Variants in CDH18 observed in about 807,000 individuals in gnomAD.
CDH18 encodes cadherin-18.
CDH18 carries 31 observed loss-of-function variants against 67.9 expected under a neutral mutation model. The observed-to-expected ratio is 0.46, with a 90% CI of 0.34 to 0.62. The LOEUF is 0.62. CDH18 is among the 20% of genes least tolerant of loss of function. The pLI, the probability that CDH18 is intolerant of heterozygous loss-of-function variation, is 0.01. For synonymous variants in CDH18, 362 were observed against 347.2 expected, an observed-to-expected ratio of 1.04 and a Z score of -0.48; for missense variants, 890 against 975.5, an observed-to-expected ratio of 0.91 and a Z score of 1.17.
chr5:20,378,567 T>C (rs565627874), intron 1 of CDH18, among the ~76,000 whole-genome samples: 8 of 152,208 alleles, frequency 5.3e-5, no homozygotes, highest in East Asian at 1.9e-4. Flanking sequence ...TATGAAAAAA[T>C]TGATGTGTAT....
chr5:20,373,223 T>C (rs1365217623), intron 1 of CDH18, among the ~76,000 whole-genome samples: 2 of 152,212 alleles, frequency 1.3e-5, no homozygotes, highest in African/African-American at 4.8e-5. Flanking sequence ...TGAAATACAA[T>C]TGCCTCTCAG....
At chr5:20,048,789 T>C (rs953612977) in intron 2 of CDH18, among the ~76,000 whole-genome samples, 2 of 151,650 alleles carry the variant, frequency 1.3e-5, no homozygotes, top group African/African-American at 4.8e-5. Flanking sequence ...TAACTCCTTC[T>C]ACATAAATGG....
chr5:20,457,660 C>G (rs1403010499), intron 1 of CDH18, among the ~76,000 whole-genome samples: 1 of 152,064 alleles, frequency 6.6e-6, no homozygotes, highest in Admixed American at 6.6e-5. Flanking sequence ...TGTACTAGCC[C>G]TTTTCTAAGA....
At chr5:20,472,245 T>C (rs1373711634) in intron 1 of CDH18, among the ~76,000 whole-genome samples, 2 of 152,246 alleles carry the variant, frequency 1.3e-5, no homozygotes, top group African/African-American at 4.8e-5. Context: ...TATGAAGTTT[T>C]CTAATAATAG....
chr5:20,345,617 A>C (rs1420605304), intron 1 of CDH18, among the ~76,000 whole-genome samples: 1 of 152,108 alleles, frequency 6.6e-6, no homozygotes. Context: ...TTTTTAAATA[A>C]TATGTAAGAT....
At chr5:19,905,342 T>G (rs1231082277) in intron 2 of CDH18, among the ~76,000 whole-genome samples, 1 of 152,108 alleles carries the variant, frequency 6.6e-6, no homozygotes, top group African/African-American at 2.4e-5. Flanking sequence ...ATTCTAACAG[T>G]GGCTTACAAA....
intron 2 of CDH18, among the ~76,000 whole-genome samples, chr5:20,208,104 T>C (rs1740055691): frequency 6.6e-6 from 1 of 152,036 alleles, no homozygotes; most frequent in Non-Finnish European, 1.5e-5. Flanking sequence ...GAGTAAATTA[T>C]AAGGAAAAGA....
intron 5 of CDH18, among the ~76,000 whole-genome samples, chr5:19,613,855 T>C (rs1253627003): frequency 3.3e-5 from 5 of 152,148 alleles, no homozygotes; most frequent in African/African-American, 1.2e-4. Flanking sequence ...TATGTATTTA[T>C]ATGTCCATCT....
intron 2 of CDH18, among the ~76,000 whole-genome samples, chr5:19,933,394 C>T (rs1443516304): frequency 3.3e-5 from 5 of 151,650 alleles, no homozygotes; most frequent in Middle Eastern, 3.4e-3. Context: ...CCATCAATTG[C>T]ACCCCTTTCC....
intron 1 of CDH18, among the ~76,000 whole-genome samples, chr5:20,509,044 T>C (rs1168949950): frequency 2.0e-5 from 3 of 152,192 alleles, no homozygotes; most frequent in East Asian, 3.9e-4. Context: ...AATGACTAAA[T>C]TGAGTTAATT....
intron 3 of CDH18, among the ~76,000 whole-genome samples, chr5:19,784,098 A>G (rs1729816822): frequency 6.6e-6 from 1 of 152,182 alleles, no homozygotes; most frequent in South Asian, 2.1e-4. Flanking sequence ...GTTATATGCC[A>G]TGTGCAAAAA....
At chr5:19,764,624 CATAT>C (rs72234101) in intron 3 of CDH18, among the ~76,000 whole-genome samples, 103,368 of 145,942 alleles carry the variant, frequency 0.71, 41,147 homozygotes, top group South Asian at 0.89. Flanking sequence ...TCTATTTCTT[CATAT>C]ATATATATAT....
chr5:20,397,687 GTGAGAGTAAAATGGGTGAAATTAA>G (rs1745400339), intron 1 of CDH18, among the ~76,000 whole-genome samples: 1 of 152,150 alleles, frequency 6.6e-6, no homozygotes. Flanking sequence ...TAAGCATGCT[GTGAGAGTAAAATGGGTGAAATTAA>G]TTGTGCTACA....
intron 7 of CDH18, among the ~76,000 whole-genome samples, chr5:19,583,898 T>C (rs1365181494): frequency 1.3e-5 from 2 of 152,192 alleles, no homozygotes; most frequent in Non-Finnish European, 2.9e-5. Context: ...AAGGACAAGT[T>C]TAAAATTTTT....
intron 2 of CDH18, among the ~76,000 whole-genome samples, chr5:20,220,044 C>A (rs1186017021): frequency 1.3e-5 from 2 of 151,806 alleles, no homozygotes; most frequent in Non-Finnish European, 2.9e-5. Context: ...AAAATGTATA[C>A]ATTTCCCAAA....
At chr5:19,925,092 C>A (rs1792941809) in intron 2 of CDH18, among the ~76,000 whole-genome samples, 1 of 152,000 alleles carries the variant, frequency 6.6e-6, no homozygotes, top group Non-Finnish European at 1.5e-5. Context: ...TGTATTCTTG[C>A]AATAAAGCTA....
intron 2 of CDH18, among the ~76,000 whole-genome samples, chr5:20,217,836 C>T (rs1452684446): frequency 6.6e-6 from 1 of 151,644 alleles, no homozygotes; most frequent in African/African-American, 2.4e-5. Flanking sequence ...TCCATGAAAA[C>T]AGAAACCATA....
At chr5:19,658,670 A>G (rs76262803) in intron 5 of CDH18, among the ~76,000 whole-genome samples, 3 of 151,378 alleles carry the variant, frequency 2.0e-5, no homozygotes, top group Non-Finnish European at 4.4e-5. Context: ...TTTTTTTTAA[A>G]TTATAAATTT....
chr5:20,448,700 A>C (rs1427318014), intron 1 of CDH18, among the ~76,000 whole-genome samples: 2 of 152,164 alleles, frequency 1.3e-5, no homozygotes, highest in African/African-American at 4.8e-5. Context: ...CTTACAGCTG[A>C]AAATGGCATG....
Sources: allele counts gnomAD v4.1 joint callset (sites outside exome capture counted in the v4.1 genomes callset), GRCh38; gene constraint gnomAD v4.1.1; transcripts MANE v1.5; gene names NCBI Gene and HGNC (gene_info 2026-07-23, HGNC 2026-07-21).